The following ANKRD17 variants were observed in gnomAD, a reference collection of about 807,000 sequenced individuals.
The protein encoded by ANKRD17 is ankyrin repeat domain 17.
A neutral mutation model predicts 229.7 loss-of-function variants in ANKRD17; 19 were observed. That is an observed-to-expected ratio of 0.08 (90% CI 0.06 to 0.12). The LOEUF (loss-of-function observed/expected upper bound fraction) is 0.12. Ranked by LOEUF, ANKRD17 falls within the 10% of genes least tolerant of loss-of-function variation. ANKRD17 has a pLI of 1.00. For missense variants in ANKRD17, 2,176 were observed against 3,176.8 expected, an observed-to-expected ratio of 0.68 and a Z score of 7.57; for synonymous variants, 1,112 against 1,146.1, an observed-to-expected ratio of 0.97 and a Z score of 0.60.
intron 1 of ANKRD17, among the ~76,000 whole-genome samples, chr4:73,203,213 C>A (rs1560715209): frequency 6.6e-6 from 1 of 152,176 alleles, no homozygotes; most frequent in Non-Finnish European, 1.5e-5. Flanking sequence ...CCCAACACTT[C>A]TTTTCCCAGT....
At position 73,258,402 on chromosome 4, in the gene ANKRD17, G is replaced by C; in HGVS notation, c.267C>G (p.Ser89Arg). ...TCRPPSSSESSSDSDNSGGGG... is the reference protein window; with the variant it reads ...TCRPPSSSESRSDSDNSGGGG... Reference sequence around the variant, plus strand: ...CGCCGCCGCTGTTGTCGCTGTCGCTGCTGCTTTCGCTGCTGCTGGGGGGTC... The same window carrying C: ...CGCCGCCGCTGTTGTCGCTGTCGCTCCTGCTTTCGCTGCTGCTGGGGGGTC... Residue 89 changes from serine to arginine, a missense_variant, in exon 1 of 34, where the codon AGC becomes AGG. Physicochemically the swap from Ser to Arg is moderately radical, Grantham distance 110. Transcript: ENST00000358602. 1 of 1,610,892 alleles carries C rather than the reference G, an allele frequency of 6.2e-7. No homozygotes were observed. The highest frequency in any genetic ancestry group is 8.5e-7 in the Non-Finnish European group (1 of 1,179,464).
Position 73,077,471 on chromosome 4 carries a change from G to A in ANKRD17, c.7471C>T (p.Pro2491Ser), listed in dbSNP as rs1452769557. 6.2e-7 allele frequency: 1 copy of A among 1,613,522 alleles called. No homozygotes were observed. Among genetic ancestry groups the A allele is most frequent in the South Asian group, 1.1e-5 (1 of 91,008 alleles). Residue 2491 changes from proline to serine, a missense_variant, in exon 32 of 34, where the codon CCA (proline) becomes TCA (serine). Transcript: ENST00000358602. ...NPMIHRPMSD[P>S]GVFSQHQAME... ...GCTTGATGTTGTGAAAATACTCCTGGGTCAGACATCGGTCTGTGGATCATA... is the reference window on the plus strand; with the variant it reads ...GCTTGATGTTGTGAAAATACTCCTGAGTCAGACATCGGTCTGTGGATCATA...
chr4:73,153,750 CTTAT>C, intron 6 of ANKRD17, 126 bp downstream of exon 6: 1 of 585,796 alleles, frequency 1.7e-6, no homozygotes, highest in Non-Finnish European at 2.7e-6. Context: ...ACTGCAAACA[CTTAT>C]TTAACCTTTA....
intron 16 of ANKRD17, among the ~76,000 whole-genome samples, chr4:73,125,784 A>G (rs1392206574): frequency 2.0e-5 from 3 of 151,888 alleles, no homozygotes; most frequent in South Asian, 2.1e-4. Flanking sequence ...ACTTGTTTCC[A>G]TATTAGCAGC....
In ANKRD17 at chr4:73,141,748, C is replaced by A; in HGVS notation, c.2325G>T (p.Arg775Ser). The A allele has an allele frequency of 6.2e-7, 1 of 1,613,302 alleles. No individual in the cohort carries two copies. Among genetic ancestry groups the A allele is most frequent in the Non-Finnish European group, 8.5e-7 (1 of 1,179,386 alleles). Residue 775 changes from arginine to serine, a missense_variant, in exon 14 of 34, where the codon AGG becomes AGT. By Grantham distance (110) the Arg-to-Ser change is moderately radical. This residue lies in a region of ANKRD17 where 275 missense variants were observed against 386.9 expected (regional missense o/e 0.71). Transcript: ENST00000358602. ...TTTAGAAGTATAACTGACCTTTATT[C>A]CTGATGGGAAGAGTGGTGGCAACAT... ...PANVATTLPI[R>S]NKAASKQKSS...
At chr4:73,110,106 G>A (rs1317559221) in intron 24 of ANKRD17, among the ~76,000 whole-genome samples, 1 of 150,512 alleles carries the variant, frequency 6.6e-6, no homozygotes, top group Non-Finnish European at 1.5e-5. Context: ...AAAATGAAGT[G>A]AAGGGGGTGA....
chr4:73,124,770 C>T, intron 18 of ANKRD17, 143 bp downstream of exon 18: 2 of 1,063,076 alleles, frequency 1.9e-6, no homozygotes, highest in Non-Finnish European at 2.6e-6. Context: ...TGATACTCAT[C>T]TTTTTGTTAA....
chr4:73,135,384 A>G lies in ANKRD17; in HGVS notation c.3086-119T>C, dbSNP rs550550276. The G allele has an allele frequency of 1.7e-5, 15 of 878,544 alleles. No individual in the cohort carries two copies. In the African/African-American group the frequency reaches 2.6e-4, roughly 15 times the overall value. The allele number at this position is 878,544 out of a possible 1,614,324, so 54.4% of individuals were successfully genotyped here. A position where few individuals can be genotyped will look rare whatever the true frequency, so the allele number is the denominator to read the frequency against. On this transcript the variant is annotated intron_variant, in intron 15 of 33. Transcript: ENST00000358602. ...ACAATATGTCTACAGGAAGACTACT[A>G]TAGCACTAATAACTAATTTTCCTGG...
At chr4:73,225,770 G>A (rs1398188967) in intron 1 of ANKRD17, among the ~76,000 whole-genome samples, 2 of 145,950 alleles carry the variant, frequency 1.4e-5, no homozygotes, top group Admixed American at 1.4e-4. Flanking sequence ...GCTGAGGCAG[G>A]AGAATCGCTT....
chr4:73,106,924 C>T (rs372442430), intron 24 of ANKRD17, among the ~76,000 whole-genome samples: 4 of 146,082 alleles, frequency 2.7e-5, no homozygotes, highest in South Asian at 2.2e-4. Flanking sequence ...AAAGTTACAC[C>T]GGAGCAGAAA....
intron 1 of ANKRD17, among the ~76,000 whole-genome samples, chr4:73,208,496 A>G (rs1199795319): frequency 1.3e-5 from 2 of 152,212 alleles, no homozygotes; most frequent in Non-Finnish European, 2.9e-5. Flanking sequence ...AGGGTTCCTT[A>G]TATGAACCAT....
chr4:73,215,053 A>G (rs1416095936), intron 1 of ANKRD17, among the ~76,000 whole-genome samples: 3 of 152,142 alleles, frequency 2.0e-5, no homozygotes, highest in African/African-American at 7.2e-5. Context: ...TTCTTAAGAC[A>G]TACTATAATT....
intron 30 of ANKRD17, among the ~76,000 whole-genome samples, chr4:73,084,413 G>GAT (rs746323791): frequency 7.1e-4 from 108 of 151,582 alleles, no homozygotes; most frequent in Admixed American, 4.8e-3. Flanking sequence ...AAACACATGT[G>GAT]ATAATGTGAA....
intron 1 of ANKRD17, among the ~76,000 whole-genome samples, chr4:73,218,898 T>C (rs368977427): frequency 6.6e-6 from 1 of 151,940 alleles, no homozygotes; most frequent in East Asian, 1.9e-4. Context: ...CCGTCTCTAC[T>C]AACAATACAA....
At chr4:73,241,510 A>T (rs919917423) in intron 1 of ANKRD17, among the ~76,000 whole-genome samples, 2 of 152,206 alleles carry the variant, frequency 1.3e-5, no homozygotes, top group Non-Finnish European at 2.9e-5. Flanking sequence ...TTTTAAAAAG[A>T]GGTATGTACT....
chr4:73,201,626 T>G (rs752847159), intron 1 of ANKRD17, among the ~76,000 whole-genome samples: 2 of 152,208 alleles, frequency 1.3e-5, no homozygotes, highest in Non-Finnish European at 2.9e-5. Flanking sequence ...TAACACAGGC[T>G]TATAATTCTC....
At chr4:73,237,919 A>G (rs1424618242) in intron 1 of ANKRD17, among the ~76,000 whole-genome samples, 2 of 152,156 alleles carry the variant, frequency 1.3e-5, no homozygotes, top group Non-Finnish European at 2.9e-5. Flanking sequence ...TATTTTGTGA[A>G]CTGTTCATTA....
At chr4:73,141,975 C>T (rs1371174948) in intron 13 of ANKRD17, 132 bp from the exon 14 acceptor site, 1 of 864,162 alleles carries the variant, frequency 1.2e-6, no homozygotes, top group African/African-American at 1.7e-5. Context: ...GACATATTTA[C>T]TTAAAATATG....
At chr4:73,212,002 C>G (rs1740337996) in intron 1 of ANKRD17, among the ~76,000 whole-genome samples, 1 of 151,942 alleles carries the variant, frequency 6.6e-6, no homozygotes, top group Non-Finnish European at 1.5e-5. Context: ...GCTTATTATC[C>G]TTAAAATCCC....
Sources: gnomAD v4.1 joint callset for allele counts (sites outside exome capture counted in the v4.1 genomes callset) on GRCh38, gnomAD v4.1.1 for gene constraint, gnomAD v4.1.1 regional missense constraint, MANE v1.5 for transcripts, NCBI Gene and HGNC (gene_info 2026-07-23, HGNC 2026-07-21) for gene names.